TMEM266: variants seen among roughly 807,000 people sequenced by gnomAD.
The protein encoded by TMEM266 is Hv1 related protein 1.
TMEM266 carries 33 observed loss-of-function variants against 50.5 expected under a neutral mutation model. The observed-to-expected ratio is 0.65, with a 90% CI of 0.50 to 0.87. The LOEUF is 0.87. Among genes scored for constraint, TMEM266 ranks in the 40% least tolerant of loss-of-function variants. TMEM266 has a pLI of 0.00. For missense variants in TMEM266, 655 were observed against 695.1 expected (o/e 0.94, Z 0.65); for synonymous variants, 310 against 292.3 (o/e 1.06, Z -0.62).
intron 8 of TMEM266, among the ~76,000 whole-genome samples, chr15:76,176,926 G>A (rs1245250312): frequency 6.6e-6 from 1 of 152,200 alleles, no homozygotes; most frequent in Admixed American, 6.5e-5. Flanking sequence ...TAAACACCCC[G>A]ACTGTGCCAA....
rs1163385773 is a variant in TMEM266, at chr15:76,202,994, C to G, written c.1021+730C>G. Among the ~76,000 whole-genome samples, 6 of 151,930 alleles carry G rather than the reference C, an allele frequency of 3.9e-5. No individual in the cohort carries two copies. The East Asian group carries it at 9.7e-4, about 25-fold the overall frequency. ...CATCCAATATGCTGGTTTCAAAGAC[C>G]ACCGTCTCCAGCCCAGACCTCTCTC... On this transcript the variant is annotated intron_variant, in intron 10 of 10. Transcript: ENST00000388942.
At chr15:76,091,643 G>GT (rs2036849904) in intron 1 of TMEM266, among the ~76,000 whole-genome samples, 1 of 151,890 alleles carries the variant, frequency 6.6e-6, no homozygotes, top group Non-Finnish European at 1.5e-5. Context: ...TCTGCTTCCT[G>GT]TTTCTACTTT....
chr15:76,096,845 C>G (rs1178382090), intron 1 of TMEM266, among the ~76,000 whole-genome samples: 3 of 151,684 alleles, frequency 2.0e-5, no homozygotes, highest in Non-Finnish European at 4.4e-5. Context: ...GCATTGATCC[C>G]TTTACCATTA....
chr15:76,067,371 G>A (rs376656572), intron 1 of TMEM266, among the ~76,000 whole-genome samples: 8 of 151,758 alleles, frequency 5.3e-5, no homozygotes, highest in East Asian at 3.9e-4. Context: ...GGCTGGGTGC[G>A]GTGGTTCACG....
chr15:76,126,101 A>G (rs1292597261), intron 1 of TMEM266, among the ~76,000 whole-genome samples: 1 of 152,054 alleles, frequency 6.6e-6, no homozygotes, highest in African/African-American at 2.4e-5. Context: ...AACCTTGTGT[A>G]TTGTGGTAGG....
chr15:76,173,597 C>T (rs2038220204), intron 7 of TMEM266, among the ~76,000 whole-genome samples: 3 of 152,140 alleles, frequency 2.0e-5, no homozygotes, highest in African/African-American at 4.8e-5. Flanking sequence ...AACAGAGACT[C>T]AGAATAACAG....
chr15:76,156,467 C>T (rs557387838), intron 3 of TMEM266, 137 bp from the exon 4 acceptor site: 22 of 822,028 alleles, frequency 2.7e-5, no homozygotes, highest in African/African-American at 3.5e-5. Flanking sequence ...GGTTGTGTTT[C>T]GCCATGAAGC....
At chr15:76,198,336 C>G (rs1021017661) in intron 9 of TMEM266, among the ~76,000 whole-genome samples, 2 of 152,152 alleles carry the variant, frequency 1.3e-5, no homozygotes, top group African/African-American at 4.8e-5. Flanking sequence ...GGGGTTCTTC[C>G]TGTGTGTCTC....
At chr15:76,125,808 A>G (rs2037412951) in intron 1 of TMEM266, among the ~76,000 whole-genome samples, 1 of 149,682 alleles carries the variant, frequency 6.7e-6, no homozygotes, top group African/African-American at 2.5e-5. Flanking sequence ...AGATGGCACC[A>G]CTGCACTCCA....
chr15:76,091,801 CA>C (rs1300970931), intron 1 of TMEM266, among the ~76,000 whole-genome samples: 1 of 151,688 alleles, frequency 6.6e-6, no homozygotes, highest in African/African-American at 2.4e-5. Flanking sequence ...CCAGCCTGGG[CA>C]ACATAGTGAA....
intron 1 of TMEM266, among the ~76,000 whole-genome samples, chr15:76,133,598 G>T (rs1217591234): frequency 6.6e-6 from 1 of 152,206 alleles, no homozygotes; most frequent in African/African-American, 2.4e-5. Flanking sequence ...GGATGGGGGT[G>T]TAAGTAGCTC....
rs62030189 is a variant in TMEM266, at chr15:76,202,228, A to G, written c.985A>G (p.Ser329Gly). The G allele has an allele frequency of 4.4e-3, 7,132 of 1,613,958 alleles. 17 individuals are homozygous for G. The highest frequency in any genetic ancestry group is 5.6e-3 in the Non-Finnish European group (6,588 of 1,179,858). ...AGCCACGATGAAGGACGACATGAAC[A>G]GCTACATCAGTCAGTATTACAATGG... The change falls in exon 10 of 11, where the codon AGC (serine) becomes GGC (glycine). Residue 329 changes from serine to glycine, a missense_variant. Ser to Gly is a moderately conservative substitution (Grantham distance 56, BLOSUM62 0). Coordinates refer to ENST00000388942, the MANE Select transcript of TMEM266 (RefSeq NM_152335.3).
chr15:76,171,554 G>A (rs974226057), intron 7 of TMEM266, among the ~76,000 whole-genome samples: 2 of 152,312 alleles, frequency 1.3e-5, no homozygotes, highest in East Asian at 3.9e-4. Flanking sequence ...TCTAGTCAAG[G>A]CCTTGCTCCC....
At chr15:76,132,178 G>A (rs1282707960) in intron 1 of TMEM266, among the ~76,000 whole-genome samples, 1 of 150,974 alleles carries the variant, frequency 6.6e-6, no homozygotes, top group African/African-American at 2.4e-5. Flanking sequence ...GCGTGATCTC[G>A]GCTCACTGCA....
At chr15:76,086,160 A>G (rs2036774200) in intron 1 of TMEM266, among the ~76,000 whole-genome samples, 1 of 152,230 alleles carries the variant, frequency 6.6e-6, no homozygotes, top group African/African-American at 2.4e-5. Context: ...AAACTATGGG[A>G]TACCCATACA....
intron 1 of TMEM266, among the ~76,000 whole-genome samples, chr15:76,093,818 G>T (rs1317930919): frequency 6.6e-6 from 1 of 152,074 alleles, no homozygotes; most frequent in Non-Finnish European, 1.5e-5. Flanking sequence ...TAACTGGTGG[G>T]AGATGGTATC....
At chr15:76,078,796 G>A (rs1441935617) in intron 1 of TMEM266, among the ~76,000 whole-genome samples, 2 of 152,134 alleles carry the variant, frequency 1.3e-5, no homozygotes, top group African/African-American at 4.8e-5. Flanking sequence ...CCACAAACTG[G>A]GTGGCTTAAA....
intron 1 of TMEM266, among the ~76,000 whole-genome samples, chr15:76,105,253 A>T (rs2037063340): frequency 6.6e-6 from 1 of 152,114 alleles, no homozygotes; most frequent in Non-Finnish European, 1.5e-5. Context: ...CTCAAAAAAA[A>T]AGTAAAGAAA....
chr15:76,110,487 G>A (rs552393848), intron 1 of TMEM266, among the ~76,000 whole-genome samples: 9 of 152,014 alleles, frequency 5.9e-5, no homozygotes, highest in Non-Finnish European at 1.2e-4. Flanking sequence ...TTTTATGTGT[G>A]GCCTAGGGAA....
Sources: gnomAD v4.1 joint callset for allele counts (sites outside exome capture counted in the v4.1 genomes callset) on GRCh38, gnomAD v4.1.1 for gene constraint, MANE v1.5 for transcripts, NCBI Gene and HGNC (gene_info 2026-07-23, HGNC 2026-07-21) for gene names.